ERG: variants seen among roughly 807,000 people sequenced by gnomAD.
The protein encoded by ERG is transcriptional regulator ERG.
ERG carries 9 observed loss-of-function variants against 55.3 expected under a neutral mutation model. The ratio of observed to expected loss-of-function variants is 0.16; its 90% confidence interval spans 0.10 to 0.28. ERG has a LOEUF of 0.28. Among genes scored for constraint, ERG ranks in the 10% least tolerant of loss-of-function variants. ERG has a pLI of 1.00. For synonymous variants in ERG, 223 were observed against 237.3 expected (o/e 0.94, Z 0.55); for missense variants, 434 against 631.6 (o/e 0.69, Z 3.35).
At chr21:38,496,052 T>C (rs1404495484) in intron 1 of ERG, among the ~76,000 whole-genome samples, 1 of 152,200 alleles carries the variant, frequency 6.6e-6, no homozygotes, top group African/African-American at 2.4e-5. Context: ...TCACATAAGT[T>C]CCCAAAATTC....
At chr21:38,472,182 TAGAAAGAA>T (rs776902766) in intron 1 of ERG, 2 of 151,472 alleles carry the variant, frequency 1.3e-5, no homozygotes, top group Admixed American at 6.6e-5. Context: ...AAAATCATTG[TAGAAAGAA>T]AGAAAGAAAG....
chr21:38,559,858 T>C (rs2059882287), intron 2 of ERG, among the ~76,000 whole-genome samples: 2 of 152,164 alleles, frequency 1.3e-5, no homozygotes, highest in South Asian at 4.1e-4. Flanking sequence ...TTTTTTTGTA[T>C]TTTTAGTAGA....
In ERG at chr21:38,488,696, A is replaced by G. The variant is rs557855401; in HGVS notation, c.18+9667T>C. Among the ~76,000 whole-genome samples the G allele has an allele frequency of 2.6e-5, 4 of 152,372 alleles. No individual in the cohort carries two copies. The East Asian group carries it at 7.7e-4, about 29-fold the overall frequency. ...AAGCAAAATCTAAAATGACCTTTCA[A>G]CTAACCATAGAAAAGGCCTTCCATT... On this transcript the variant is annotated intron_variant, in intron 1 of 9. Transcript: ENST00000288319.
In ERG at chr21:38,392,449, A is replaced by G. The variant is rs775716997; in HGVS notation, c.746-5T>C. 8 of 1,502,416 alleles carry G rather than the reference A, an allele frequency of 5.3e-6. No homozygotes were observed. Among genetic ancestry groups the G allele is most frequent in the Non-Finnish European group, 5.3e-6 (6 of 1,123,896 alleles). The allele number at this position is 1,502,416 out of a possible 1,614,324, so 93.1% of individuals were successfully genotyped here. ...TGGGGGGCTCATATGGTAAATCTGT[A>G]AAGACAAATAAATTGACTAAAAGAT... On this transcript the variant is annotated splice_region_variant and splice_polypyrimidine_tract_variant and intron_variant, in intron 6 of 9. Coordinates refer to ENST00000288319, the MANE Select transcript of ERG (RefSeq NM_182918.4).
At chr21:38,527,350 C>T (rs928536877) in intron 2 of ERG, among the ~76,000 whole-genome samples, 2 of 152,140 alleles carry the variant, frequency 1.3e-5, no homozygotes, top group Non-Finnish European at 2.9e-5. Flanking sequence ...ACGTCCTGGA[C>T]CTGTGGAATC....
intron 3 of ERG, among the ~76,000 whole-genome samples, chr21:38,413,519 T>C (rs1353213502): frequency 6.6e-6 from 1 of 152,134 alleles, no homozygotes; most frequent in Non-Finnish European, 1.5e-5. Flanking sequence ...GATTCAAAAA[T>C]GGCAAGAAAG....
rs2059459373 is a variant in ERG, at chr21:38,506,164, A to G, written c.-41+69498T>C. Among the ~76,000 whole-genome samples the G allele has an allele frequency of 2.0e-5, 3 of 152,228 alleles. No individual in the cohort carries two copies. In the South Asian group the frequency reaches 6.2e-4, roughly 32 times the overall value. Reference sequence around the variant, plus strand: ...GGTGAGATTTGTCCATGGAAATTGTATAATTGTTTTATGCCACTGTTAATG... The same window carrying G: ...GGTGAGATTTGTCCATGGAAATTGTGTAATTGTTTTATGCCACTGTTAATG... On this transcript the variant is annotated intron_variant, in intron 2 of 8. Coordinates refer to the ERG transcript ENST00000398897.
chr21:38,499,242 T>A (rs866448692), upstream of ERG, among the ~76,000 whole-genome samples: 359 of 152,242 alleles, frequency 2.4e-3, 1 homozygote, highest in African/African-American at 8.3e-3. Flanking sequence ...CTGACAGACA[T>A]CCATGTTGCA....
intron 2 of ERG, among the ~76,000 whole-genome samples, chr21:38,444,779 AGAGGGTGGGGT>A (rs2058874267): frequency 6.6e-6 from 1 of 151,526 alleles, no homozygotes; most frequent in South Asian, 2.1e-4. Context: ...CGCAGAGATC[AGAGGGTGGGGT>A]GAGGGTGGAG....
chr21:38,589,845 T>A (rs571782010), upstream of ERG, among the ~76,000 whole-genome samples: 1 of 152,334 alleles, frequency 6.6e-6, no homozygotes, highest in African/African-American at 2.4e-5. Context: ...TGCATTTTCC[T>A]TGTTAACTAA....
chr21:38,550,939 C>T (rs2059820272), intron 2 of ERG, among the ~76,000 whole-genome samples: 1 of 152,274 alleles, frequency 6.6e-6, no homozygotes, highest in East Asian at 1.9e-4. Context: ...AAAAGCAAAC[C>T]TTTGTACACA....
chr21:38,639,805 GC>G (rs1000309704), intron 1 of ERG, among the ~76,000 whole-genome samples: 2 of 152,048 alleles, frequency 1.3e-5, no homozygotes, highest in African/African-American at 2.4e-5. Flanking sequence ...GGAATCAAAG[GC>G]CCAGCCAAGC....
chr21:38,371,316 G>A, the ERG span, among the ~76,000 whole-genome samples: 2 of 151,814 alleles, frequency 1.3e-5, no homozygotes, highest in African/African-American at 4.8e-5. Context: ...TTTTATACAT[G>A]CACAGCCATA....
intron 2 of ERG, among the ~76,000 whole-genome samples, chr21:38,428,449 C>T (rs1989947591): frequency 6.6e-6 from 1 of 152,150 alleles, no homozygotes. Flanking sequence ...TAGAGGACCA[C>T]GTGTTCTCCA....
chr21:38,550,767 A>G (rs1415042024), intron 2 of ERG, among the ~76,000 whole-genome samples: 1 of 152,240 alleles, frequency 6.6e-6, no homozygotes, highest in South Asian at 2.1e-4. Flanking sequence ...AACAGAGACT[A>G]TAACTACAAC....
intron 1 of ERG, among the ~76,000 whole-genome samples, chr21:38,614,056 C>G (rs1407408877): frequency 2.0e-5 from 3 of 150,126 alleles, no homozygotes; most frequent in Admixed American, 6.6e-5. Context: ...TGGGGGAAGC[C>G]AAGGTTCAGC....
chr21:38,477,745 T>C (rs1601100538), intron 1 of ERG, among the ~76,000 whole-genome samples: 2 of 152,274 alleles, frequency 1.3e-5, no homozygotes, highest in Non-Finnish European at 1.5e-5. Flanking sequence ...TACAAACCAA[T>C]GTGGGGTACA....
rs1167743244 is a variant in ERG at position 38,380,483 on chromosome 21, A to G, written c.*2920T>C. 11 of 1,065,158 alleles carry G rather than the reference A, an allele frequency of 1.0e-5. No individual in the cohort carries two copies. Among genetic ancestry groups the G allele is most frequent in the Non-Finnish European group, 1.3e-5 (11 of 879,254 alleles). The allele number at this position is 1,065,158 out of a possible 1,614,324, so 66.0% of individuals were successfully genotyped here. A position where few individuals can be genotyped will look rare whatever the true frequency, so the allele number is the denominator to read the frequency against. On this transcript the variant is annotated 3_prime_UTR_variant, in exon 10 of 10. Coordinates refer to ENST00000288319, the MANE Select transcript of ERG (RefSeq NM_182918.4). ...CCGAAAGCCAATTGAAGACAAGAAA[A>G]GAAGACAAATCTCTTGCCAGCAGGA...
chr21:38,520,885 C>T (rs925783798), intron 2 of ERG, among the ~76,000 whole-genome samples: 2 of 152,166 alleles, frequency 1.3e-5, no homozygotes, highest in Non-Finnish European at 2.9e-5. Context: ...GGGATTTGTA[C>T]TTTATATCAG....
Sources: allele counts gnomAD v4.1 joint callset (sites outside exome capture counted in the v4.1 genomes callset), GRCh38; gene constraint gnomAD v4.1.1; transcripts MANE v1.5; gene names NCBI Gene and HGNC (gene_info 2026-07-23, HGNC 2026-07-21).